ELAPOR2: variants seen among roughly 807,000 people sequenced by gnomAD.
ELAPOR2 encodes endosome/lysosome-associated apoptosis and autophagy regulator family member 2.
A neutral mutation model predicts 120.7 loss-of-function variants in ELAPOR2; 89 were observed. That is an observed-to-expected ratio of 0.74 (90% confidence interval 0.62 to 0.88). The LOEUF is 0.88. ELAPOR2 is among the 40% of genes least tolerant of loss of function. The probability of loss-of-function intolerance (pLI) is 0.00; values close to 1 mark genes in which losing one functional copy is unlikely to be tolerated. For synonymous variants in ELAPOR2, 444 were observed against 444.9 expected, an observed-to-expected ratio of 1.00 and a Z score of 0.03; for missense variants, 1,134 against 1,251.6, an observed-to-expected ratio of 0.91 and a Z score of 1.42.
intron 21 of ELAPOR2, among the ~76,000 whole-genome samples, chr7:86,881,698 G>T (rs574388347): frequency 1.5e-4 from 23 of 152,234 alleles, no homozygotes; most frequent in African/African-American, 5.1e-4. Flanking sequence ...ATTTTGCCAT[G>T]TTGCCCAGGC....
chr7:87,036,106 G>T (rs976784392), intron 1 of ELAPOR2, among the ~76,000 whole-genome samples: 7 of 152,184 alleles, frequency 4.6e-5, no homozygotes, highest in Non-Finnish European at 7.4e-5. Flanking sequence ...TGTTCAAATA[G>T]CCAGGAATCT....
intron 21 of ELAPOR2, among the ~76,000 whole-genome samples, chr7:86,886,921 A>G (rs979605491): frequency 1.3e-5 from 2 of 152,082 alleles, no homozygotes; most frequent in Non-Finnish European, 2.9e-5. Flanking sequence ...CAGATATTCA[A>G]TCATCTATGA....
intron 2 of ELAPOR2, among the ~76,000 whole-genome samples, chr7:86,953,183 T>C (rs1306790571): frequency 6.6e-6 from 1 of 151,958 alleles, no homozygotes; most frequent in African/African-American, 2.4e-5. Flanking sequence ...GCCAGTGGAT[T>C]ACATCCTTCA....
intron 8 of ELAPOR2, among the ~76,000 whole-genome samples, chr7:86,936,950 C>T (rs942139355): frequency 1.3e-5 from 2 of 152,028 alleles, no homozygotes; most frequent in African/African-American, 4.8e-5. Flanking sequence ...ACTAAATTGA[C>T]TTTTGCCTTA....
chr7:86,953,093 C>CAA (rs11351621), intron 2 of ELAPOR2, among the ~76,000 whole-genome samples: 33 of 99,624 alleles, frequency 3.3e-4, no homozygotes, highest in Middle Eastern at 5.4e-3. Flanking sequence ...AAGCCTCTGT[C>CAA]AAAAAAAAAA....
At chr7:86,998,862 T>C (rs1232478008) in intron 1 of ELAPOR2, among the ~76,000 whole-genome samples, 1 of 151,890 alleles carries the variant, frequency 6.6e-6, no homozygotes, top group Non-Finnish European at 1.5e-5. Flanking sequence ...TTTTTTTTTT[T>C]CAAAGAACCT....
At chr7:86,959,304 C>A (rs1034154915) in intron 2 of ELAPOR2, among the ~76,000 whole-genome samples, 1 of 151,796 alleles carries the variant, frequency 6.6e-6, no homozygotes, top group African/African-American at 2.4e-5. Flanking sequence ...GATTCGTATG[C>A]CTTTTATTTC....
intron 1 of ELAPOR2, among the ~76,000 whole-genome samples, chr7:87,041,014 C>T (rs1477494597): frequency 4.6e-5 from 7 of 151,584 alleles, no homozygotes; most frequent in East Asian, 3.9e-4. Flanking sequence ...AGGGTATCAG[C>T]GATGGAAGAT....
At chr7:86,923,383 C>T (rs28583791) in intron 10 of ELAPOR2, among the ~76,000 whole-genome samples, 33,416 of 151,708 alleles carry the variant, frequency 0.22, 6,046 homozygotes, top group African/African-American at 0.51. Flanking sequence ...AAATATCACA[C>T]GTACCCCCAA....
intron 12 of ELAPOR2, among the ~76,000 whole-genome samples, chr7:86,915,509 C>A (rs1030002590): frequency 1.3e-5 from 2 of 151,746 alleles, no homozygotes; most frequent in African/African-American, 4.8e-5. Context: ...TGTGATATTC[C>A]AACTGATATG....
intron 1 of ELAPOR2, among the ~76,000 whole-genome samples, chr7:86,977,472 C>G (rs563816640): frequency 6.6e-6 from 1 of 152,278 alleles, no homozygotes; most frequent in South Asian, 2.1e-4. Flanking sequence ...CACCCAATCT[C>G]TCCCCGTATC....
chr7:87,048,603 T>C (rs1353589180), intron 1 of ELAPOR2, among the ~76,000 whole-genome samples: 1 of 152,190 alleles, frequency 6.6e-6, no homozygotes, highest in Non-Finnish European at 1.5e-5. Context: ...AGTAAGTTAA[T>C]TGTACATTTT....
chr7:87,001,654 C>T (rs1562963397), intron 1 of ELAPOR2, among the ~76,000 whole-genome samples: 1 of 152,024 alleles, frequency 6.6e-6, no homozygotes, highest in Non-Finnish European at 1.5e-5. Flanking sequence ...CTATTGGAGC[C>T]ACAGAATACA....
chr7:87,017,996 A>G (rs538111377), intron 1 of ELAPOR2, among the ~76,000 whole-genome samples: 21 of 152,196 alleles, frequency 1.4e-4, no homozygotes, highest in African/African-American at 3.6e-4. Flanking sequence ...AAGTAAACAG[A>G]AGTTCCATTT....
rs777048467 is a variant in ELAPOR2 at position 86,913,054 on chromosome 7, C to T, written c.1882G>A (p.Glu628Lys). 1.4e-5 allele frequency: 22 copies of T among 1,614,074 alleles called. No individual in the cohort carries two copies. The South Asian group carries it at 2.4e-4, about 18-fold the overall frequency. The change falls in exon 14 of 22, where the codon GAG becomes AAG. Residue 628 changes from glutamate (E) to lysine (K), a missense_variant. This residue lies in a region of ELAPOR2 where 831 missense variants were observed against 867.6 expected (regional missense o/e 0.96). Transcript: ENST00000450689. The stretch of plus-strand genomic sequence containing the variant: ...TCCTTGCACTGGTTGGTTTCTTTCT[C>T]AATGTAGTGGCCTGGAGGGCAGGGG... ...CVPCPPGHYI[E>K]KETNQCKECP...
intron 1 of ELAPOR2, among the ~76,000 whole-genome samples, chr7:87,024,536 G>T (rs1271552424): frequency 1.3e-5 from 2 of 151,906 alleles, no homozygotes; most frequent in Non-Finnish European, 2.9e-5. Context: ...TTTTTTTGTT[G>T]TCTCTCTGCC....
intron 1 of ELAPOR2, among the ~76,000 whole-genome samples, chr7:86,994,350 T>C (rs1204249874): frequency 6.6e-6 from 1 of 152,174 alleles, no homozygotes; most frequent in African/African-American, 2.4e-5. Flanking sequence ...TAAATAAAAG[T>C]CATTTATCAA....
intron 1 of ELAPOR2, among the ~76,000 whole-genome samples, chr7:86,988,394 CAAAT>C (rs1361785404): frequency 2.0e-5 from 3 of 151,138 alleles, no homozygotes; most frequent in Admixed American, 6.6e-5. Context: ...TAAAAAAATG[CAAAT>C]AAATAAATAA....
chr7:86,938,888 C>T lies in ELAPOR2; in HGVS notation c.920G>A (p.Cys307Tyr). The T allele has an allele frequency of 1.7e-5, 27 of 1,613,348 alleles. No individual in the cohort carries two copies. Among genetic ancestry groups the T allele is most frequent in the Non-Finnish European group, 2.3e-5 (27 of 1,179,484 alleles). ...TFSNKPGSFN[C>Y]QVCPRNTYSE... ...ATAGGTGTTTCTGGGACACACCTGGCAGTTGAATGAACCTGGTTTGTTGCT... is the reference window on the plus strand; with the variant it reads ...ATAGGTGTTTCTGGGACACACCTGGTAGTTGAATGAACCTGGTTTGTTGCT... Residue 307 changes from cysteine to tyrosine, a missense_variant, in exon 7 of 22, where the codon TGC becomes TAC. Physicochemically the swap from Cys to Tyr is radical, Grantham distance 194 (BLOSUM62 -2). This residue lies in a region of ELAPOR2 where 831 missense variants were observed against 867.6 expected (regional missense o/e 0.96). Coordinates refer to ENST00000450689, the MANE Select transcript of ELAPOR2 (RefSeq NM_001142749.3).
Sources: gnomAD v4.1 joint callset for allele counts (sites outside exome capture counted in the v4.1 genomes callset) on GRCh38, gnomAD v4.1.1 for gene constraint, gnomAD v4.1.1 regional missense constraint, MANE v1.5 for transcripts, NCBI Gene and HGNC (gene_info 2026-07-23, HGNC 2026-07-21) for gene names.